ELMO1: variants seen among roughly 807,000 people sequenced by gnomAD.
The protein encoded by ELMO1 is engulfment and cell motility 1.
ELMO1 carries 26 observed loss-of-function variants against 98.9 expected under a neutral mutation model. That is an observed-to-expected ratio of 0.26 (90% CI 0.19 to 0.36). The LOEUF is 0.36. Among genes scored for constraint, ELMO1 ranks in the 10% least tolerant of loss-of-function variants. The pLI, the probability that ELMO1 is intolerant of heterozygous loss-of-function variation, is 1.00. For missense variants in ELMO1, 627 were observed against 935.2 expected, an observed-to-expected ratio of 0.67 and a Z score of 4.30; for synonymous variants, 346 against 346.0, an observed-to-expected ratio of 1.00 and a Z score of 0.00.
intron 13 of ELMO1, among the ~76,000 whole-genome samples, chr7:37,153,783 C>T (rs886216019): frequency 2.0e-5 from 3 of 152,194 alleles, no homozygotes; most frequent in Non-Finnish European, 4.4e-5. Context: ...CTCTACCAGA[C>T]AGCTCTGAAG....
intron 13 of ELMO1, among the ~76,000 whole-genome samples, chr7:37,188,474 C>A (rs1791361967): frequency 2.9e-5 from 3 of 102,628 alleles, no homozygotes; most frequent in African/African-American, 4.7e-5. Context: ...ACACACAGGC[C>A]ACTGGAGAAA....
chr7:37,102,743 C>A (rs1316944217), intron 14 of ELMO1, among the ~76,000 whole-genome samples: 2 of 152,198 alleles, frequency 1.3e-5, no homozygotes, highest in East Asian at 3.8e-4. Flanking sequence ...AGAGATGTGT[C>A]ACTGGTCCAA....
At chr7:37,206,711 T>C (rs1319971245) in intron 13 of ELMO1, among the ~76,000 whole-genome samples, 3 of 152,170 alleles carry the variant, frequency 2.0e-5, no homozygotes, top group African/African-American at 7.2e-5. Flanking sequence ...ACCCATAACC[T>C]CTTCCACCTT....
At chr7:37,381,524 T>G (rs1802580687) in intron 1 of ELMO1, among the ~76,000 whole-genome samples, 1 of 152,200 alleles carries the variant, frequency 6.6e-6, no homozygotes. Flanking sequence ...ACCTCTTAAG[T>G]GACAATTCAC....
At chr7:37,096,574 G>A in intron 15 of ELMO1, 45 bp downstream of exon 15, 1 of 1,559,310 alleles carries the variant, frequency 6.4e-7, no homozygotes, top group East Asian at 2.2e-5. Context: ...CTGGAAGCTG[G>A]GACTCTGCCA....
At chr7:37,278,852 T>C (rs1234589216) in intron 4 of ELMO1, among the ~76,000 whole-genome samples, 1 of 152,214 alleles carries the variant, frequency 6.6e-6, no homozygotes, top group Non-Finnish European at 1.5e-5. Flanking sequence ...AGCATTTAAC[T>C]GAGGCAAGGT....
At chr7:37,341,995 C>T (rs1234912254) in intron 2 of ELMO1, among the ~76,000 whole-genome samples, 2 of 152,050 alleles carry the variant, frequency 1.3e-5, no homozygotes, top group South Asian at 4.1e-4. Context: ...TAAAGGATGC[C>T]TTTATGGGTC....
chr7:37,413,818 C>T (rs1233014018), intron 1 of ELMO1, among the ~76,000 whole-genome samples: 1 of 152,134 alleles, frequency 6.6e-6, no homozygotes, highest in Non-Finnish European at 1.5e-5. Context: ...GCGGGGATTA[C>T]AGGCGCACAC....
intron 11 of ELMO1, among the ~76,000 whole-genome samples, chr7:37,215,714 G>A (rs116377724): frequency 0.01 from 1,530 of 152,284 alleles, 30 homozygotes; most frequent in African/African-American, 0.035. Flanking sequence ...CACAGTAAGG[G>A]CTCTCGCCCA....
intron 4 of ELMO1, among the ~76,000 whole-genome samples, chr7:37,276,203 A>G (rs939505564): frequency 6.6e-6 from 1 of 152,226 alleles, no homozygotes; most frequent in African/African-American, 2.4e-5. Context: ...ACCAAGTGAG[A>G]TAATCCATTT....
At chr7:36,876,450 A>G (rs976291789) in intron 19 of ELMO1, among the ~76,000 whole-genome samples, 2 of 150,404 alleles carry the variant, frequency 1.3e-5, no homozygotes, top group African/African-American at 4.9e-5. Flanking sequence ...TAATTTACTT[A>G]AACTTTTTGT....
chr7:37,346,477 T>C (rs1005535982), intron 1 of ELMO1, among the ~76,000 whole-genome samples: 1 of 152,252 alleles, frequency 6.6e-6, no homozygotes, highest in Non-Finnish European at 1.5e-5. Flanking sequence ...GTAATTATAG[T>C]GTCTTCTTTG....
chr7:36,990,139 T>C (rs959994169), intron 16 of ELMO1, among the ~76,000 whole-genome samples: 1 of 152,212 alleles, frequency 6.6e-6, no homozygotes, highest in African/African-American at 2.4e-5. Context: ...AATTTTTGCA[T>C]GGGATCTTGT....
At chr7:37,310,409 G>A (rs1472390198) in intron 4 of ELMO1, among the ~76,000 whole-genome samples, 1 of 151,766 alleles carries the variant, frequency 6.6e-6, no homozygotes. Flanking sequence ...GGGATGACAA[G>A]GCAATTTTCC....
chr7:37,265,144 T>C (rs1250250764), intron 5 of ELMO1, among the ~76,000 whole-genome samples: 1 of 152,148 alleles, frequency 6.6e-6, no homozygotes, highest in Non-Finnish European at 1.5e-5. Flanking sequence ...TTCCTTCATC[T>C]TCCTACTTCT....
intron 6 of ELMO1, among the ~76,000 whole-genome samples, chr7:37,258,220 A>C (rs1204993325): frequency 6.6e-6 from 1 of 152,090 alleles, no homozygotes; most frequent in Non-Finnish European, 1.5e-5. Flanking sequence ...GTGAACCGAG[A>C]TCGTCCCACT....
intron 1 of ELMO1, among the ~76,000 whole-genome samples, chr7:37,357,048 C>T (rs1801525602): frequency 6.6e-6 from 1 of 152,160 alleles, no homozygotes; most frequent in Non-Finnish European, 1.5e-5. Context: ...GAACCAACAG[C>T]CCTTGCTGAG....
intron 16 of ELMO1, among the ~76,000 whole-genome samples, chr7:36,983,556 C>T (rs551136632): frequency 3.7e-4 from 57 of 152,262 alleles, no homozygotes; most frequent in African/African-American, 1.3e-3. Context: ...GGATAAACAC[C>T]GGCAAGGTCC....
intron 2 of ELMO1, among the ~76,000 whole-genome samples, chr7:37,318,148 G>T (rs1799303968): frequency 6.6e-6 from 1 of 152,164 alleles, no homozygotes; most frequent in East Asian, 1.9e-4. Flanking sequence ...GCAAGAAGCT[G>T]TCCACTGTTT....
Sources: allele counts gnomAD v4.1 joint callset (sites outside exome capture counted in the v4.1 genomes callset), GRCh38; gene constraint gnomAD v4.1.1; transcripts MANE v1.5; gene names NCBI Gene and HGNC (gene_info 2026-07-23, HGNC 2026-07-21).